The following CHD7 variants were observed in gnomAD, a reference collection of about 807,000 sequenced individuals.
CHD7 encodes the protein chromodomain helicase DNA binding protein 7, also known as ATP-dependent chromatin remodeler CHD7.
CHD7 carries 24 observed loss-of-function variants against 307.3 expected under a neutral mutation model. The ratio of observed to expected loss-of-function variants is 0.08; its 90% confidence interval spans 0.06 to 0.11. CHD7 has a LOEUF of 0.11. CHD7 is among the 10% of genes least tolerant of loss of function. The probability of loss-of-function intolerance (pLI) is 1.00; values close to 1 mark genes in which losing one functional copy is unlikely to be tolerated. For synonymous variants in CHD7, 1,363 were observed against 1,349.9 expected (o/e 1.01, Z -0.21); for missense variants, 3,106 against 3,727.1 (o/e 0.83, Z 4.34).
intron 13 of CHD7, among the ~76,000 whole-genome samples, chr8:60,827,614 C>G (rs1804312268): frequency 2.0e-5 from 3 of 152,174 alleles, no homozygotes; most frequent in African/African-American, 7.2e-5. Flanking sequence ...GATGGTCGTC[C>G]ATGAAACTTC....
At chr8:60,786,371 T>C (rs775891289) in intron 3 of CHD7, among the ~76,000 whole-genome samples, 3 of 152,218 alleles carry the variant, frequency 2.0e-5, no homozygotes, top group Non-Finnish European at 4.4e-5. Flanking sequence ...GATTGCCTAA[T>C]AATACTGACC....
chr8:60,862,799 C>CATACACCATTA (rs1806063505), intron 37 of CHD7, 147 bp downstream of exon 37: 1 of 590,110 alleles, frequency 1.7e-6, no homozygotes, highest in African/African-American at 1.9e-5. Flanking sequence ...TACATCATTT[C>CATACACCATTA]ATACATCATT....
chr8:60,795,399 A>G (rs1000402896), intron 4 of CHD7, among the ~76,000 whole-genome samples: 2 of 152,118 alleles, frequency 1.3e-5, no homozygotes, highest in Non-Finnish European at 2.9e-5. Context: ...GTAAATGTAT[A>G]TTTTGCTGTT....
Position 60,731,148 on chromosome 8 carries a change from A to T in CHD7, c.-174-10111A>T, listed in dbSNP as rs540099307. On this transcript the variant is annotated intron_variant, in intron 1 of 37. Transcript: ENST00000423902. ...ATGGCCCCAGAGTGCAAGAGTAGTG[A>T]TGCTGGTGATTTGGATATGCCAAAG... is the stretch of plus-strand genomic sequence containing the variant. Among the ~76,000 whole-genome samples, 3 of 152,316 alleles carry T rather than the reference A, an allele frequency of 2.0e-5. No homozygotes were observed. The East Asian group carries it at 5.8e-4, about 29-fold the overall frequency.
At chr8:60,809,122 G>A (rs566557460) in intron 7 of CHD7, among the ~76,000 whole-genome samples, 2 of 152,240 alleles carry the variant, frequency 1.3e-5, no homozygotes, top group South Asian at 4.1e-4. Context: ...GAAAGCATCA[G>A]GTGCCATGGG....
intron 1 of CHD7, among the ~76,000 whole-genome samples, chr8:60,708,952 G>C (rs1289651369): frequency 5.9e-5 from 9 of 152,092 alleles, no homozygotes; most frequent in African/African-American, 9.7e-5. Context: ...CGATGCCCTA[G>C]TGGCTCGCCT....
chr8:60,857,205 GT>G, intron 34 of CHD7, among the ~76,000 whole-genome samples: 1 of 152,118 alleles, frequency 6.6e-6, no homozygotes, highest in Non-Finnish European at 1.5e-5. Context: ...GGTGGAACAA[GT>G]TTCATTGATA....
chr8:60,679,448 G>GT (rs1554569416), intron 1 of CHD7: 1 of 101,604 alleles, frequency 9.8e-6, no homozygotes, highest in Non-Finnish European at 2.1e-5. Context: ...TGGGGGGGGG[G>GT]TACGGGGGAC....
At chr8:60,774,753 T>C (rs962040321) in intron 2 of CHD7, among the ~76,000 whole-genome samples, 33 of 152,326 alleles carry the variant, frequency 2.2e-4, no homozygotes, top group African/African-American at 7.9e-4. Flanking sequence ...GGGAGCTTTG[T>C]TTCATTTAGA....
chr8:60,810,783 C>G (rs1036203332), intron 7 of CHD7, among the ~76,000 whole-genome samples: 5 of 152,112 alleles, frequency 3.3e-5, no homozygotes, highest in African/African-American at 1.2e-4. Context: ...TTTTCCTACC[C>G]CACCAGTGTG....
In CHD7 at chr8:60,707,438, CGTGTTCCCTGTGAACCA is replaced by C. The variant is rs368375653; in HGVS notation, c.-175+28357_-175+28373del. ...TTTACTGTCTGACCTAGTTCACACA[CGTGTTCCCTGTGAACCA>C]ACTTAGATGTCTGTCTTAATGTAAC... On this transcript the variant is annotated intron_variant, in intron 1 of 37. Transcript: ENST00000423902. Among the ~76,000 whole-genome samples the C allele has an allele frequency of 2.3e-3, 350 of 152,294 alleles. 3 individuals carry two copies. The highest frequency in any genetic ancestry group is 8.0e-3 in the African/African-American group (334 of 41,550).
At chr8:60,682,124 G>A (rs546770594) in intron 1 of CHD7, among the ~76,000 whole-genome samples, 44 of 152,226 alleles carry the variant, frequency 2.9e-4, no homozygotes, top group African/African-American at 9.6e-4. Context: ...TGAAAATATG[G>A]AAGTCAAATT....
At chr8:60,846,694 A>G (rs755557920) in intron 23 of CHD7, among the ~76,000 whole-genome samples, 12 of 152,278 alleles carry the variant, frequency 7.9e-5, no homozygotes, top group South Asian at 2.1e-4. Flanking sequence ...GTCTGAGCAC[A>G]TAATACTGGC....
intron 9 of CHD7, among the ~76,000 whole-genome samples, chr8:60,820,684 G>T (rs1803986202): frequency 6.6e-6 from 1 of 152,162 alleles, no homozygotes; most frequent in Non-Finnish European, 1.5e-5. Flanking sequence ...CACCCACCAT[G>T]AATTGTGTCC....
At chr8:60,854,258 A>G (rs1348994204) in intron 31 of CHD7, 105 bp from the exon 32 acceptor site, 5 of 973,044 alleles carry the variant, frequency 5.1e-6, no homozygotes, top group Non-Finnish European at 7.7e-6. Context: ...TAGGTACTCA[A>G]TAAAATGGAG....
intron 1 of CHD7, among the ~76,000 whole-genome samples, chr8:60,692,079 A>G (rs1011911865): frequency 9.2e-5 from 14 of 152,222 alleles, no homozygotes; most frequent in African/African-American, 2.9e-4. Flanking sequence ...TATGCAATGA[A>G]TGTACTTTGG....
chr8:60,837,583 A>G, intron 17 of CHD7, 85 bp from the exon 18 acceptor site: 1 of 1,205,338 alleles, frequency 8.3e-7, no homozygotes, highest in Non-Finnish European at 1.1e-6. Context: ...ATCACATTGG[A>G]ATGAGGGTTT....
chr8:60,836,729 C>G (rs1248431542), intron 16 of CHD7, 88 bp from the exon 17 acceptor site: 2 of 924,014 alleles, frequency 2.2e-6, no homozygotes, highest in Non-Finnish European at 3.3e-6. Flanking sequence ...AATATATATT[C>G]CATATTGTAA....
intron 7 of CHD7, among the ~76,000 whole-genome samples, chr8:60,815,075 C>CTG (rs1803661941): frequency 6.6e-6 from 1 of 152,184 alleles, no homozygotes; most frequent in Non-Finnish European, 1.5e-5. Context: ...AGTCTGTTTT[C>CTG]TGTGTGTGTA....
Sources: allele counts gnomAD v4.1 joint callset (sites outside exome capture counted in the v4.1 genomes callset), GRCh38; gene constraint gnomAD v4.1.1; transcripts MANE v1.5; gene names NCBI Gene and HGNC (gene_info 2026-07-23, HGNC 2026-07-21).